The following CACNA2D1 variants were observed in gnomAD, a reference collection of about 807,000 sequenced individuals.
The protein encoded by CACNA2D1 is voltage-dependent calcium channel subunit alpha-2/delta-1.
A neutral mutation model predicts 171.5 loss-of-function variants in CACNA2D1; 53 were observed. The ratio of observed to expected loss-of-function variants is 0.31; its 90% confidence interval spans 0.25 to 0.39. CACNA2D1 has a LOEUF of 0.39. CACNA2D1 is among the 10% of genes least tolerant of loss of function. CACNA2D1 has a pLI of 1.00. For missense variants in CACNA2D1, 903 were observed against 1,299.8 expected, an observed-to-expected ratio of 0.69 and a Z score of 4.69; for synonymous variants, 442 against 443.1, an observed-to-expected ratio of 1.00 and a Z score of 0.03.
chr7:82,363,692 A>G (rs1821357360), intron 1 of CACNA2D1, among the ~76,000 whole-genome samples: 1 of 106,416 alleles, frequency 9.4e-6, no homozygotes, highest in Admixed American at 1.1e-4. Flanking sequence ...ACTAAGGGCG[A>G]AATAAGTAGT....
chr7:82,155,234 C>T (rs878978830), intron 4 of CACNA2D1, among the ~76,000 whole-genome samples: 1 of 152,074 alleles, frequency 6.6e-6, no homozygotes, highest in Admixed American at 6.6e-5. Flanking sequence ...TTTAAATTAT[C>T]CAGTATCAGG....
At chr7:82,324,131 C>T (rs113604317) in intron 3 of CACNA2D1, among the ~76,000 whole-genome samples, 5,752 of 151,998 alleles carry the variant, frequency 0.038, 158 homozygotes, top group Middle Eastern at 0.082. Flanking sequence ...CTGAGGTGGG[C>T]GGATCACTTG....
At chr7:82,066,417 C>A (rs1392663135) in intron 8 of CACNA2D1, 38 bp downstream of exon 8, 6 of 1,608,052 alleles carry the variant, frequency 3.7e-6, no homozygotes, top group East Asian at 4.5e-5. Context: ...TATCTTCTTG[C>A]CTATTTTATC....
At chr7:82,201,806 C>T (rs1799465396) in intron 3 of CACNA2D1, among the ~76,000 whole-genome samples, 1 of 152,222 alleles carries the variant, frequency 6.6e-6, no homozygotes, top group Non-Finnish European at 1.5e-5. Context: ...TCATGCTAAC[C>T]ATTCCTCATG....
intron 11 of CACNA2D1, among the ~76,000 whole-genome samples, chr7:82,036,791 A>G (rs1803330832): frequency 6.6e-6 from 1 of 152,214 alleles, no homozygotes; most frequent in African/African-American, 2.4e-5. Flanking sequence ...ACAAACTCAT[A>G]TTTGCATAAA....
At chr7:82,069,346 T>C (rs544998688) in intron 7 of CACNA2D1, among the ~76,000 whole-genome samples, 1 of 152,298 alleles carries the variant, frequency 6.6e-6, no homozygotes, top group African/African-American at 2.4e-5. Flanking sequence ...TTTAGATGAC[T>C]TTTTAGTGTT....
chr7:82,264,826 C>G (rs945951419), intron 3 of CACNA2D1, among the ~76,000 whole-genome samples: 1 of 152,130 alleles, frequency 6.6e-6, no homozygotes. Context: ...TTCTCTATAT[C>G]TATCATATTT....
At chr7:82,325,335 GTAGCTAAAC>G (rs1450299559) in intron 3 of CACNA2D1, among the ~76,000 whole-genome samples, 3 of 152,272 alleles carry the variant, frequency 2.0e-5, no homozygotes, top group African/African-American at 7.2e-5. Context: ...ATTTTATTCG[GTAGCTAAAC>G]TAGCTAAACT....
chr7:82,098,497 C>T (rs1157076513), intron 6 of CACNA2D1, among the ~76,000 whole-genome samples: 1 of 152,138 alleles, frequency 6.6e-6, no homozygotes. Context: ...GCCTGCATAT[C>T]TTACATGTAC....
At chr7:82,226,346 C>G (rs970675375) in intron 3 of CACNA2D1, among the ~76,000 whole-genome samples, 1 of 152,168 alleles carries the variant, frequency 6.6e-6, no homozygotes, top group African/African-American at 2.4e-5. Context: ...GTCCTCACAG[C>G]AACCCTTCAA....
At chr7:82,401,047 C>A (rs2129451779) in intron 1 of CACNA2D1, among the ~76,000 whole-genome samples, 1 of 152,218 alleles carries the variant, frequency 6.6e-6, no homozygotes, top group African/African-American at 2.4e-5. Flanking sequence ...GTTAAAAAGT[C>A]AGGAAACAAC....
At chr7:82,113,885 T>A (rs2129050908) in intron 6 of CACNA2D1, among the ~76,000 whole-genome samples, 1 of 152,278 alleles carries the variant, frequency 6.6e-6, no homozygotes, top group African/African-American at 2.4e-5. Context: ...AGAGTCTTAC[T>A]GATGAGATTT....
intron 1 of CACNA2D1, among the ~76,000 whole-genome samples, chr7:82,386,714 T>G (rs1381150101): frequency 3.3e-5 from 5 of 150,212 alleles, no homozygotes; most frequent in Non-Finnish European, 7.4e-5. Context: ...GCCTGGGCAA[T>G]AAGAGCAAAA....
At chr7:82,269,139 T>C (rs988205241) in intron 3 of CACNA2D1, among the ~76,000 whole-genome samples, 1 of 152,188 alleles carries the variant, frequency 6.6e-6, no homozygotes, top group Admixed American at 6.5e-5. Flanking sequence ...CCATCGCCTC[T>C]ATTTGCAGAA....
At chr7:82,125,504 T>A (rs998943884) in intron 5 of CACNA2D1, among the ~76,000 whole-genome samples, 8 of 152,222 alleles carry the variant, frequency 5.3e-5, no homozygotes, top group African/African-American at 1.9e-4. Context: ...AACTTGAATT[T>A]GGGTTTTCAT....
At chr7:82,432,770 T>C (rs529488428) in intron 1 of CACNA2D1, among the ~76,000 whole-genome samples, 30 of 152,364 alleles carry the variant, frequency 2.0e-4, no homozygotes, top group Admixed American at 7.2e-4. Context: ...TACTATCTGC[T>C]TAAAATTAAT....
intron 11 of CACNA2D1, among the ~76,000 whole-genome samples, chr7:82,037,693 T>C (rs1323950345): frequency 2.0e-5 from 3 of 152,204 alleles, no homozygotes; most frequent in African/African-American, 4.8e-5. Flanking sequence ...AAAACTAAAA[T>C]GTTCTCAGTA....
Position 82,386,503 on chromosome 7 carries a change from T to C in CACNA2D1, c.96-36854A>G, listed in dbSNP as rs148372587. ...GGCTCATGCCTTTAATCCCAGCACTTTGGGAGATCACCAGAGGTCGGGAGT... is the reference window on the plus strand; with the variant it reads ...GGCTCATGCCTTTAATCCCAGCACTCTGGGAGATCACCAGAGGTCGGGAGT... On this transcript the variant is annotated intron_variant, in intron 1 of 38. Coordinates refer to ENST00000356860, the MANE Select transcript of CACNA2D1 (RefSeq NM_000722.4). Among the ~76,000 whole-genome samples the C allele has an allele frequency of 9.9e-3, 1,508 of 152,014 alleles. 26 individuals carry two copies. The highest frequency in any genetic ancestry group is 0.034 in the African/African-American group (1,420 of 41,498).
chr7:82,319,654 C>A (rs955701338), intron 3 of CACNA2D1, among the ~76,000 whole-genome samples: 6 of 152,024 alleles, frequency 3.9e-5, no homozygotes, highest in African/African-American at 1.2e-4. Flanking sequence ...CTCTCTAAAC[C>A]CTCTTGTAGA....
Sources: gnomAD v4.1 joint callset for allele counts (sites outside exome capture counted in the v4.1 genomes callset) on GRCh38, gnomAD v4.1.1 for gene constraint, MANE v1.5 for transcripts, NCBI Gene and HGNC (gene_info 2026-07-23, HGNC 2026-07-21) for gene names.